Variants in DENND1A observed in about 807,000 individuals in gnomAD.
DENND1A encodes DENN domain-containing protein 1A.
In DENND1A, 51 loss-of-function variants were observed where a neutral mutation model predicts 113.7. That is an observed-to-expected ratio of 0.45 (90% CI 0.36 to 0.57). DENND1A has a LOEUF of 0.57. Among genes scored for constraint, DENND1A ranks in the 20% least tolerant of loss-of-function variants. DENND1A has a pLI of 0.00. For synonymous variants in DENND1A, 565 were observed against 570.8 expected, an observed-to-expected ratio of 0.99 and a Z score of 0.14; for missense variants, 1,258 against 1,395.9, an observed-to-expected ratio of 0.90 and a Z score of 1.57.
chr9:123,414,363 C>G (rs1352274664), intron 19 of DENND1A: 7 of 1,422,770 alleles, frequency 4.9e-6, no homozygotes, highest in Non-Finnish European at 5.5e-6. Context: ...CCCTCCCAGT[C>G]CATCGCCTAC....
intron 22 of DENND1A, among the ~76,000 whole-genome samples, chr9:123,387,177 G>A (rs939414618): frequency 3.3e-5 from 5 of 152,226 alleles, no homozygotes; most frequent in African/African-American, 1.2e-4. Context: ...CTTAGGGGTG[G>A]CTGGATGGTG....
intron 5 of DENND1A, among the ~76,000 whole-genome samples, chr9:123,700,490 A>T (rs536210950): frequency 6.6e-6 from 1 of 152,290 alleles, no homozygotes; most frequent in South Asian, 2.1e-4. Context: ...CTCAGGTAAC[A>T]ACTGATGTTG....
intron 8 of DENND1A, among the ~76,000 whole-genome samples, chr9:123,653,175 G>A (rs2062748903): frequency 1.3e-5 from 2 of 152,166 alleles, no homozygotes; most frequent in Admixed American, 1.3e-4. Flanking sequence ...ATTATGGGCT[G>A]GGAGTAAAAA....
At chr9:123,727,031 C>T (rs892734681) in intron 5 of DENND1A, among the ~76,000 whole-genome samples, 7 of 152,172 alleles carry the variant, frequency 4.6e-5, no homozygotes, top group African/African-American at 1.4e-4. Context: ...AGTGTTGTCA[C>T]GTGTAATTTA....
intron 21 of DENND1A, chr9:123,402,513 G>A (rs769233967): frequency 1.9e-6 from 1 of 534,780 alleles, no homozygotes; most frequent in Non-Finnish European, 3.8e-6. Context: ...CAGACATGGG[G>A]GCCTCCCCCT....
intron 10 of DENND1A, among the ~76,000 whole-genome samples, chr9:123,628,418 T>C (rs191214933): frequency 6.6e-6 from 1 of 151,912 alleles, no homozygotes; most frequent in East Asian, 1.9e-4. Context: ...TCTAACAATC[T>C]GGGAGCAGAA....
At chr9:123,481,806 T>TC (rs2050361600) in intron 13 of DENND1A, among the ~76,000 whole-genome samples, 1 of 151,364 alleles carries the variant, frequency 6.6e-6, no homozygotes, top group Non-Finnish European at 1.5e-5. Context: ...TCTTTTTTTT[T>TC]TTTTTTTGAG....
intron 13 of DENND1A, among the ~76,000 whole-genome samples, chr9:123,545,827 CCATTTCAGG>C (rs1268449674): frequency 6.6e-6 from 1 of 152,102 alleles, no homozygotes; most frequent in Non-Finnish European, 1.5e-5. Flanking sequence ...TCACTTAGCA[CCATTTCAGG>C]CTGCAAATTG....
chr9:123,640,052 T>TA (rs766171409), intron 9 of DENND1A, among the ~76,000 whole-genome samples: 3 of 152,196 alleles, frequency 2.0e-5, no homozygotes, highest in Admixed American at 6.5e-5. Context: ...TCTGTGCTCT[T>TA]AGCCCCCATG....
intron 10 of DENND1A, among the ~76,000 whole-genome samples, chr9:123,621,942 C>A (rs552100031): frequency 6.6e-6 from 1 of 152,116 alleles, no homozygotes; most frequent in African/African-American, 2.4e-5. Flanking sequence ...ATGTGATGCA[C>A]CATGTGGGGG....
intron 8 of DENND1A, among the ~76,000 whole-genome samples, chr9:123,661,851 C>T (rs1023344842): frequency 7.3e-5 from 11 of 149,734 alleles, no homozygotes; most frequent in South Asian, 2.1e-4. Context: ...AGAGAGAAAA[C>T]GAAAAGAGAG....
At chr9:123,850,470 T>C (rs2133129382) in intron 2 of DENND1A, among the ~76,000 whole-genome samples, 1 of 152,374 alleles carries the variant, frequency 6.6e-6, no homozygotes, top group Non-Finnish European at 1.5e-5. Flanking sequence ...TAACTTTACA[T>C]GCATTGGGAC....
chr9:123,836,761 T>C (rs959886791), intron 2 of DENND1A, among the ~76,000 whole-genome samples: 4 of 152,138 alleles, frequency 2.6e-5, no homozygotes, highest in African/African-American at 9.7e-5. Flanking sequence ...TTTAATGTTA[T>C]CTTACAAATA....
Position 123,422,341 on chromosome 9 carries a change from A to C in DENND1A, c.1489-10512T>G, listed in dbSNP as rs2131838997. Among the ~76,000 whole-genome samples the C allele has an allele frequency of 6.6e-6, 1 of 152,280 alleles. No homozygotes were observed. The highest frequency in any genetic ancestry group is 2.1e-4 in the South Asian group (1 of 4,826). On this transcript the variant is annotated intron_variant, in intron 19 of 23. Transcript: ENST00000394215. This position sits in a 1 kb window ranked among gnomAD's most constrained non-coding sequence, Gnocchi z 4.8. ...TCTGATCAGGAAAAACCCTCTACCT[A>C]CAGGTTTCCTAGCCTAACAGGTTGA...
chr9:123,847,596 G>C (rs1842792195), intron 2 of DENND1A, among the ~76,000 whole-genome samples: 1 of 152,162 alleles, frequency 6.6e-6, no homozygotes, highest in South Asian at 2.1e-4. Context: ...CAAGCAAGAA[G>C]ATTAGCCCAG....
intron 10 of DENND1A, among the ~76,000 whole-genome samples, chr9:123,620,661 G>C (rs1212677860): frequency 6.6e-6 from 1 of 152,088 alleles, no homozygotes; most frequent in African/African-American, 2.4e-5. Context: ...TATGATTTCT[G>C]ATCATTAAAT....
At chr9:123,607,329 T>C (rs2060198913) in intron 11 of DENND1A, among the ~76,000 whole-genome samples, 1 of 150,238 alleles carries the variant, frequency 6.7e-6, no homozygotes, top group Non-Finnish European at 1.5e-5. Context: ...TTTTGGAGCT[T>C]TGTGAGTATT....
chr9:123,549,710 A>C (rs2056925351), intron 13 of DENND1A, among the ~76,000 whole-genome samples: 1 of 152,218 alleles, frequency 6.6e-6, no homozygotes, highest in Admixed American at 6.5e-5. Context: ...ACTTGATGGA[A>C]TATTCTGCAG....
intron 7 of DENND1A, among the ~76,000 whole-genome samples, chr9:123,668,364 CAAT>C (rs2063592906): frequency 6.6e-6 from 1 of 152,086 alleles, no homozygotes; most frequent in South Asian, 2.1e-4. Context: ...ATGGTGACAA[CAAT>C]AATAGTATAA....
Sources: allele counts gnomAD v4.1 joint callset (sites outside exome capture counted in the v4.1 genomes callset), GRCh38; gene constraint gnomAD v4.1.1; non-coding constraint Gnocchi (gnomAD v3.1); transcripts MANE v1.5; gene names NCBI Gene and HGNC (gene_info 2026-07-23, HGNC 2026-07-21).